Variants in NMNAT2 observed in about 807,000 individuals in gnomAD.
NMNAT2 encodes the protein nicotinamide nucleotide adenylyltransferase 2.
NMNAT2 carries 11 observed loss-of-function variants against 41.6 expected under a neutral mutation model. The ratio of observed to expected loss-of-function variants is 0.26; its 90% confidence interval spans 0.17 to 0.44. The LOEUF (loss-of-function observed/expected upper bound fraction) is 0.44. Among genes scored for constraint, NMNAT2 ranks in the 20% least tolerant of loss-of-function variants. The probability of loss-of-function intolerance (pLI) is 1.00; values close to 1 mark genes in which losing one functional copy is unlikely to be tolerated. For synonymous variants in NMNAT2, 148 were observed against 151.2 expected, an observed-to-expected ratio of 0.98 and a Z score of 0.16; for missense variants, 288 against 407.7, an observed-to-expected ratio of 0.71 and a Z score of 2.53.
intron 1 of NMNAT2, among the ~76,000 whole-genome samples, chr1:183,408,926 G>A (rs1649040973): frequency 2.0e-5 from 3 of 152,076 alleles, no homozygotes; most frequent in African/African-American, 7.2e-5. Context: ...GCTATGCACT[G>A]CTAAATATTT....
At chr1:183,286,432 C>G (rs1352546537) in intron 5 of NMNAT2, among the ~76,000 whole-genome samples, 1 of 152,124 alleles carries the variant, frequency 6.6e-6, no homozygotes, top group African/African-American at 2.4e-5. Context: ...TGCACACCAC[C>G]ACCTGCCTCT....
intron 1 of NMNAT2, among the ~76,000 whole-genome samples, chr1:183,342,576 C>T (rs1662841713): frequency 6.6e-6 from 1 of 152,098 alleles, no homozygotes; most frequent in Non-Finnish European, 1.5e-5. Context: ...CACACACTTC[C>T]TCTTCTCCAT....
intron 10 of NMNAT2, among the ~76,000 whole-genome samples, chr1:183,256,818 C>T (rs1183504590): frequency 6.6e-6 from 1 of 152,116 alleles, no homozygotes; most frequent in East Asian, 1.9e-4. Flanking sequence ...AGCGCATGAT[C>T]TCAGTTCACT....
chr1:183,255,190 C>T (rs1053175330), intron 10 of NMNAT2, among the ~76,000 whole-genome samples: 1 of 152,058 alleles, frequency 6.6e-6, no homozygotes, highest in Non-Finnish European at 1.5e-5. Context: ...CTTTATTGTG[C>T]TTTTTTGGTA....
intron 1 of NMNAT2, among the ~76,000 whole-genome samples, chr1:183,385,047 A>C (rs1648174513): frequency 6.6e-6 from 1 of 151,922 alleles, no homozygotes; most frequent in African/African-American, 2.4e-5. Context: ...AATAAAAATA[A>C]AAAATAAAAA....
chr1:183,411,954 G>A (rs1258731482), intron 1 of NMNAT2, among the ~76,000 whole-genome samples: 1 of 152,128 alleles, frequency 6.6e-6, no homozygotes, highest in African/African-American at 2.4e-5. Context: ...TGGGCTAGGT[G>A]GGGAAGGGCA....
At chr1:183,309,899 G>A (rs1662072249) in intron 1 of NMNAT2, among the ~76,000 whole-genome samples, 1 of 152,194 alleles carries the variant, frequency 6.6e-6, no homozygotes, top group African/African-American at 2.4e-5. Flanking sequence ...TAAAGGTGCA[G>A]TGCCCCCTGG....
chr1:183,390,768 T>A, intron 1 of NMNAT2, among the ~76,000 whole-genome samples: 1 of 152,196 alleles, frequency 6.6e-6, no homozygotes, highest in Non-Finnish European at 1.5e-5. Flanking sequence ...AATGATGTGA[T>A]GGTGAAATTC....
intron 1 of NMNAT2, among the ~76,000 whole-genome samples, chr1:183,382,487 A>T (rs1332547320): frequency 6.6e-6 from 1 of 152,196 alleles, no homozygotes; most frequent in Non-Finnish European, 1.5e-5. Flanking sequence ...TTAACTCAAA[A>T]GTCCACATTC....
At chr1:183,353,164 G>A (rs1397383300) in intron 1 of NMNAT2, among the ~76,000 whole-genome samples, 1 of 152,012 alleles carries the variant, frequency 6.6e-6, no homozygotes, top group East Asian at 1.9e-4. Context: ...CTGCCATCGT[G>A]CCCGGCTAGT....
chr1:183,341,725 C>CAAAAAAAAAAAAAAAAAAAAAACAAAA (rs1662812821), intron 1 of NMNAT2, among the ~76,000 whole-genome samples: 2 of 22,214 alleles, frequency 9.0e-5, no homozygotes, highest in African/African-American at 3.2e-4. Context: ...AAACAAACAC[C>CAAAAAAAAAAAAAAAAAAAAAACAAAA]AAAAAAAAAA....
chr1:183,291,910 G>A (rs940640202), intron 3 of NMNAT2, among the ~76,000 whole-genome samples: 6 of 152,138 alleles, frequency 3.9e-5, no homozygotes, highest in African/African-American at 1.4e-4. Flanking sequence ...AAATCACTGC[G>A]CACAAATAGC....
At chr1:183,259,113 T>C (rs1011408142) in intron 10 of NMNAT2, among the ~76,000 whole-genome samples, 2 of 152,124 alleles carry the variant, frequency 1.3e-5, no homozygotes, top group African/African-American at 4.8e-5. Context: ...CCTCCTCACA[T>C]AGTTTTTGAA....
At chr1:183,317,232 C>T (rs776851921) in intron 1 of NMNAT2, among the ~76,000 whole-genome samples, 12 of 152,166 alleles carry the variant, frequency 7.9e-5, no homozygotes, top group Admixed American at 5.2e-4. Context: ...TTCATCCCCC[C>T]GTATTTCAGC....
chr1:183,416,141 G>A (rs542860974), intron 1 of NMNAT2, among the ~76,000 whole-genome samples: 5 of 152,280 alleles, frequency 3.3e-5, no homozygotes, highest in East Asian at 1.9e-4. Context: ...GTCAGCATTC[G>A]CTTAACAAAA....
intron 1 of NMNAT2, among the ~76,000 whole-genome samples, chr1:183,333,755 ATAACT>A (rs1205176759): frequency 2.2e-5 from 3 of 139,020 alleles, no homozygotes; most frequent in African/African-American, 8.9e-5. Flanking sequence ...TGACTTGCAC[ATAACT>A]CAAGTCATTG....
chr1:183,390,099 T>C (rs956685905), intron 1 of NMNAT2, among the ~76,000 whole-genome samples: 7 of 152,028 alleles, frequency 4.6e-5, no homozygotes, highest in African/African-American at 1.7e-4. Context: ...ACTACACTAC[T>C]GTGGGCAGCA....
At chr1:183,355,219 T>A (rs681054) in intron 1 of NMNAT2, among the ~76,000 whole-genome samples, 1 of 152,034 alleles carries the variant, frequency 6.6e-6, no homozygotes, top group African/African-American at 2.4e-5. Flanking sequence ...AGAGGACTTC[T>A]GAGACTCTTC....
chr1:183,390,291 C>T (rs1648441662), intron 1 of NMNAT2, among the ~76,000 whole-genome samples: 1 of 152,210 alleles, frequency 6.6e-6, no homozygotes, highest in South Asian at 2.1e-4. Context: ...TCACTTAGTG[C>T]TTACAGTGAG....
Sources: gnomAD v4.1 joint callset for allele counts (sites outside exome capture counted in the v4.1 genomes callset) on GRCh38, gnomAD v4.1.1 for gene constraint, MANE v1.5 for transcripts, NCBI Gene and HGNC (gene_info 2026-07-23, HGNC 2026-07-21) for gene names.